TCEA1: variants seen among roughly 807,000 people sequenced by gnomAD.
TCEA1 encodes the protein transcription elongation factor A1, also known as transcription elongation factor A protein 1.
A neutral mutation model predicts 43.8 loss-of-function variants in TCEA1; 21 were observed. The ratio of observed to expected loss-of-function variants is 0.48; its 90% confidence interval spans 0.34 to 0.69. The LOEUF is 0.69. Ranked by LOEUF, TCEA1 falls within the 30% of genes least tolerant of loss-of-function variation. The pLI is 0.01. For synonymous variants in TCEA1, 104 were observed against 117.5 expected, an observed-to-expected ratio of 0.88 and a Z score of 0.75; for missense variants, 250 against 365.1, an observed-to-expected ratio of 0.68 and a Z score of 2.57.
chr8:53,982,044 T>C (rs1482268913), intron 7 of TCEA1, among the ~76,000 whole-genome samples: 1 of 151,484 alleles, frequency 6.6e-6, no homozygotes, highest in Non-Finnish European at 1.5e-5. Context: ...TGATTACAGG[T>C]GTGGCCACCA....
At chr8:53,974,523 T>G (rs1803266267) in intron 8 of TCEA1, among the ~76,000 whole-genome samples, 2 of 14,414 alleles carry the variant, frequency 1.4e-4, no homozygotes, top group African/African-American at 2.9e-4. Flanking sequence ...TTTTGGGGGG[T>G]AGTGGGGGTG....
chr8:53,995,539 A>C (rs1041839613), intron 3 of TCEA1, among the ~76,000 whole-genome samples: 3 of 152,194 alleles, frequency 2.0e-5, no homozygotes, highest in African/African-American at 7.2e-5. Flanking sequence ...AAAGTATACC[A>C]GTTAAGTACA....
intron 8 of TCEA1, chr8:53,974,190 A>G (rs1301505067): frequency 1.3e-5 from 2 of 156,026 alleles, no homozygotes; most frequent in African/African-American, 4.8e-5. Flanking sequence ...AGTTTCAAGC[A>G]AGAAAAAAAA....
chr8:54,009,631 G>C (rs1395126535), intron 2 of TCEA1: 2 of 152,190 alleles, frequency 1.3e-5, no homozygotes, highest in Non-Finnish European at 2.9e-5. Context: ...CACAAAGATA[G>C]AAAGCAGAGT....
At chr8:53,968,827 G>C (rs980532390) in intron 9 of TCEA1, among the ~76,000 whole-genome samples, 1 of 152,094 alleles carries the variant, frequency 6.6e-6, no homozygotes, top group Non-Finnish European at 1.5e-5. Flanking sequence ...ACAAATCCAA[G>C]AGAACAGGCC....
intron 8 of TCEA1, among the ~76,000 whole-genome samples, chr8:53,976,523 G>A (rs942026058): frequency 5.9e-5 from 9 of 152,066 alleles, no homozygotes; most frequent in East Asian, 1.9e-4. Flanking sequence ...TATCTGAAGC[G>A]AACACTTTGT....
rs1048244329 is a variant in TCEA1 at position 53,990,590 on chromosome 8, T to G, written c.321-2331A>C. ...GTTGCTCAGGCTAGTCTCAAACTCC[T>G]GGGCTCAAGTGATCCCCCTACCTTG... On this transcript the variant is annotated intron_variant, in intron 4 of 9. Coordinates refer to ENST00000521604, the MANE Select transcript of TCEA1 (RefSeq NM_006756.4). Among the ~76,000 whole-genome samples, 8 of 152,170 alleles carry G rather than the reference T, an allele frequency of 5.3e-5. 1 individual carries two copies. Among genetic ancestry groups the G allele is most frequent in the Admixed American group, 5.2e-4 (8 of 15,276 alleles).
rs183776097 is a variant in TCEA1 at position 53,987,159 on chromosome 8, G to T, written c.467-134C>A. ...ATAAAGAAACCGTTCAGTTTAGTTC[G>T]TTAGAATCTGATCACTTCACTGCCC... On this transcript the variant is annotated intron_variant, in intron 5 of 9. Coordinates refer to ENST00000521604, the MANE Select transcript of TCEA1 (RefSeq NM_006756.4). 273 of 747,476 alleles carry T rather than the reference G, an allele frequency of 3.7e-4. 1 individual carries two copies. In the African/African-American group the frequency reaches 4.2e-3, roughly 11 times the overall value. The allele number at this position is 747,476 out of a possible 1,614,324, so 46.3% of individuals were successfully genotyped here. A position where few individuals can be genotyped will look rare whatever the true frequency, so the allele number is the denominator to read the frequency against.
In TCEA1 at chr8:53,970,419, G is replaced by T. The variant is rs753964959; in HGVS notation, c.870C>A (p.Val290=). 6.2e-7 allele frequency: 1 copy of T among 1,610,684 alleles called. No homozygotes were observed. Among genetic ancestry groups the T allele is most frequent in the Non-Finnish European group, 8.5e-7 (1 of 1,177,844 alleles). Residue 290 remains valine, a synonymous_variant, in exon 9 of 10, where the codon GTC becomes GTA. Coordinates refer to ENST00000521604, the MANE Select transcript of TCEA1 (RefSeq NM_006756.4). ...SADEPMTTFV[V]CNECGNRWKF... is the part of the protein sequence containing the mutation. ...TCCATCGATTTCCACATTCATTACA[G>T]ACAACAAATGTTGTCATTGGTTCAT...
At chr8:54,019,567 C>CA (rs1364478794) in intron 1 of TCEA1, among the ~76,000 whole-genome samples, 4,363 of 67,668 alleles carry the variant, frequency 0.064, 191 homozygotes, top group African/African-American at 0.18. Context: ...GACACTGTCT[C>CA]AAAAAAAAAA....
intron 5 of TCEA1, 21 bp from the exon 6 acceptor site, chr8:53,987,046 T>C (rs1452066684): frequency 1.3e-6 from 2 of 1,573,410 alleles, no homozygotes; most frequent in African/African-American, 1.4e-5. Context: ...GCATAAAGAA[T>C]TGTCAAATTA....
chr8:53,999,224 C>CAAAAAAAAAAAA (rs57357613), intron 3 of TCEA1, among the ~76,000 whole-genome samples: 7 of 64,486 alleles, frequency 1.1e-4, no homozygotes, highest in Non-Finnish European at 2.0e-4. Context: ...GACTCAGTCT[C>CAAAAAAAAAAAA]AAAAAAAAAA....
intron 2 of TCEA1, among the ~76,000 whole-genome samples, chr8:54,007,481 C>T (rs1159546597): frequency 6.6e-6 from 1 of 152,108 alleles, no homozygotes; most frequent in Non-Finnish European, 1.5e-5. Flanking sequence ...GTGCCAAGCC[C>T]TTCCTTATTA....
chr8:53,992,415 C>A (rs1031538094), intron 4 of TCEA1, among the ~76,000 whole-genome samples: 3 of 152,006 alleles, frequency 2.0e-5, no homozygotes, highest in Non-Finnish European at 2.9e-5. Flanking sequence ...GAGTTCAAGA[C>A]CAGCCTGGCC....
intron 7 of TCEA1, among the ~76,000 whole-genome samples, chr8:53,981,866 C>T (rs975081342): frequency 6.6e-6 from 1 of 151,864 alleles, no homozygotes; most frequent in Non-Finnish European, 1.5e-5. Flanking sequence ...GATCCTCCCA[C>T]CTCAGCCTCC....
chr8:54,016,700 C>T (rs1224433429), intron 1 of TCEA1, among the ~76,000 whole-genome samples: 1 of 151,638 alleles, frequency 6.6e-6, no homozygotes, highest in East Asian at 1.9e-4. Context: ...TCAGGCCAGG[C>T]GGTGTGGCTC....
At chr8:54,011,502 G>A (rs551205774) in intron 1 of TCEA1, among the ~76,000 whole-genome samples, 16 of 152,338 alleles carry the variant, frequency 1.1e-4, no homozygotes, top group African/African-American at 3.8e-4. Flanking sequence ...AAGTTCTGAT[G>A]CTAGGTTTAG....
intron 5 of TCEA1, 120 bp downstream of exon 5, chr8:53,987,994 A>G: frequency 8.0e-7 from 1 of 1,243,432 alleles, no homozygotes; most frequent in Non-Finnish European, 1.1e-6. Context: ...TCCCCAAGCT[A>G]AGCAGCAGTG....
At position 53,967,905 on chromosome 8, in the gene TCEA1, A is replaced by C; in HGVS notation, c.*199T>G. The C allele has an allele frequency of 2.3e-6, 1 of 435,572 alleles. No homozygotes were observed. The highest frequency in any genetic ancestry group is 3.9e-5 in the Admixed American group (1 of 25,832). The allele number at this position is 435,572 out of a possible 1,614,324, so 27.0% of individuals were successfully genotyped here. A position where few individuals can be genotyped will look rare whatever the true frequency, so the allele number is the denominator to read the frequency against. ...AAAAATATGTTTTGAAACAGGTACC[A>C]TAAAATTATTATATGGTCTCCCTAC... is the stretch of plus-strand genomic sequence containing the variant. On this transcript the variant is annotated 3_prime_UTR_variant, in exon 10 of 10. Transcript: ENST00000521604.
Sources: gnomAD v4.1 joint callset for allele counts (sites outside exome capture counted in the v4.1 genomes callset) on GRCh38, gnomAD v4.1.1 for gene constraint, MANE v1.5 for transcripts, NCBI Gene and HGNC (gene_info 2026-07-23, HGNC 2026-07-21) for gene names.